YBX1: variants seen among roughly 807,000 people sequenced by gnomAD.
The protein encoded by YBX1 is Y-box-binding protein 1.
YBX1 carries 3 observed loss-of-function variants against 41.4 expected under a neutral mutation model. That is an observed-to-expected ratio of 0.07 (90% CI 0.03 to 0.19). The LOEUF is 0.19. Ranked by LOEUF, YBX1 falls within the 10% of genes least tolerant of loss-of-function variation. The pLI is 1.00. For synonymous variants in YBX1, 133 were observed against 165.8 expected (o/e 0.80, Z 1.52); for missense variants, 274 against 462.8 (o/e 0.59, Z 3.74).
intron 2 of YBX1, among the ~76,000 whole-genome samples, chr1:42,692,694 A>AGG (rs1219405027): frequency 3.3e-5 from 5 of 152,166 alleles, no homozygotes; most frequent in Non-Finnish European, 5.9e-5. Context: ...CGGAGTAAAG[A>AGG]GGGTGAGGCA....
In YBX1 at chr1:42,703,069, G is replaced by A. The variant is rs2148744322; in HGVS notation, c.*1120G>A. On this transcript the variant is annotated 3_prime_UTR_variant, in exon 8 of 8. Transcript: ENST00000321358. The stretch of plus-strand genomic sequence containing the variant: ...GCCACCTTAGTAGCTGGGAGTACAG[G>A]TGCGTGCCACCACACCCAGCTAATT... Among the ~76,000 whole-genome samples, 1 of 152,184 alleles carries A rather than the reference G, an allele frequency of 6.6e-6. No individual in the cohort carries two copies. Among genetic ancestry groups the A allele is most frequent in the South Asian group, 2.1e-4 (1 of 4,818 alleles).
chr1:42,694,848 A>T (rs1241109007), intron 3 of YBX1, among the ~76,000 whole-genome samples: 1 of 152,170 alleles, frequency 6.6e-6, no homozygotes, highest in Non-Finnish European at 1.5e-5. Context: ...TGTTCAAAAG[A>T]ATGTGTAGAC....
At position 42,697,071 on chromosome 1, in the gene YBX1, A is replaced by G. The variant is rs1032642147; in HGVS notation, c.658-109A>G. Reference sequence around the variant, plus strand: ...AAGGATTAATTTATAATGTAGTCACAATTACTAGATGGTCTGTTTTGTTTG... The same window carrying G: ...AAGGATTAATTTATAATGTAGTCACGATTACTAGATGGTCTGTTTTGTTTG... On this transcript the variant is annotated intron_variant, in intron 5 of 7. Transcript: ENST00000321358. 4.1e-5 allele frequency: 60 copies of G among 1,467,158 alleles called. No homozygotes were observed. The East Asian group carries it at 1.4e-3, about 33-fold the overall frequency. The allele number at this position is 1,467,158 out of a possible 1,614,324, so 90.9% of individuals were successfully genotyped here.
At chr1:42,693,408 G>T in intron 2 of YBX1, 82 bp from the exon 3 acceptor site, 2 of 1,548,992 alleles carry the variant, frequency 1.3e-6, no homozygotes, top group East Asian at 2.3e-5. Context: ...TTGGCAGCCA[G>T]AGAGTCTCTG....
At chr1:42,689,311 A>G (rs1466581668) in intron 2 of YBX1, among the ~76,000 whole-genome samples, 1 of 152,204 alleles carries the variant, frequency 6.6e-6, no homozygotes, top group Non-Finnish European at 1.5e-5. Flanking sequence ...AGGCTTGGAA[A>G]TTGGTATCTG....
chr1:42,690,619 A>C (rs1049879020), intron 2 of YBX1, among the ~76,000 whole-genome samples: 1 of 152,212 alleles, frequency 6.6e-6, no homozygotes, highest in African/African-American at 2.4e-5. Context: ...AATAGAAAGA[A>C]AGACTTTATC....
intron 2 of YBX1, among the ~76,000 whole-genome samples, chr1:42,684,763 T>C (rs1650150754): frequency 1.3e-5 from 2 of 152,250 alleles, no homozygotes; most frequent in African/African-American, 4.8e-5. Flanking sequence ...AGGAAGGGAA[T>C]GCTTATATAT....
intron 3 of YBX1, among the ~76,000 whole-genome samples, chr1:42,693,854 A>G (rs1189651840): frequency 6.6e-6 from 1 of 152,238 alleles, no homozygotes; most frequent in Non-Finnish European, 1.5e-5. Context: ...GTTGCTATAA[A>G]TACACAGAAA....
rs1275752296 is a variant in YBX1, at chr1:42,696,388, G to A, written c.354+100G>A. The A allele has an allele frequency of 1.6e-6, 2 of 1,242,006 alleles. No homozygotes were observed. The highest frequency in any genetic ancestry group is 3.0e-5 in the African/African-American group (2 of 66,404). The allele number at this position is 1,242,006 out of a possible 1,614,324, so 76.9% of individuals were successfully genotyped here. A position where few individuals can be genotyped will look rare whatever the true frequency, so the allele number is the denominator to read the frequency against. On this transcript the variant is annotated intron_variant, in intron 4 of 7. Transcript: ENST00000321358. The surrounding 1 kb of genome is among the most constrained non-coding windows in gnomAD (Gnocchi z 5.7). ...GCTCTAATGTGGATGGATGTGTTCA[G>A]GTGACCTCATGAACACAGGTGCATC...
chr1:42,702,775 C>G lies in YBX1; in HGVS notation c.*826C>G, dbSNP rs1418661168. 6.6e-6 allele frequency among the ~76,000 whole-genome samples: 1 copy of G among 152,202 alleles called. No homozygotes were observed. The highest frequency in any genetic ancestry group is 1.5e-5 in the Non-Finnish European group (1 of 68,036). On this transcript the variant is annotated 3_prime_UTR_variant, in exon 8 of 8. Coordinates refer to ENST00000321358, the MANE Select transcript of YBX1 (RefSeq NM_004559.5). Reference sequence around the variant, plus strand: ...GTGTTAGGACAACCTGTCACACTGCCTGGTGTGGTCATCAAATATTGGTTC... The same window carrying G: ...GTGTTAGGACAACCTGTCACACTGCGTGGTGTGGTCATCAAATATTGGTTC...
Position 42,682,742 on chromosome 1 carries a change from G to A in YBX1, c.166+11G>A. On this transcript the variant is annotated intron_variant, in intron 1 of 7. Coordinates refer to ENST00000321358, the MANE Select transcript of YBX1 (RefSeq NM_004559.5). ...ACAAGAAGGTCATCGGTGAGGACCG[G>A]ACAGGGACGGGGGTGGGGCCCTCGG... is the stretch of plus-strand genomic sequence containing the variant. The A allele has an allele frequency of 8.2e-7, 1 of 1,221,238 alleles. No individual in the cohort carries two copies. The highest frequency in any genetic ancestry group is 3.8e-5 in the South Asian group (1 of 26,526). The allele number at this position is 1,221,238 out of a possible 1,614,324, so 75.7% of individuals were successfully genotyped here.
intron 6 of YBX1, among the ~76,000 whole-genome samples, chr1:42,699,842 G>A (rs1035366747): frequency 2.6e-5 from 4 of 152,118 alleles, no homozygotes; most frequent in African/African-American, 7.2e-5. Flanking sequence ...AAATAGGAAG[G>A]TACATAATTG....
intron 2 of YBX1, among the ~76,000 whole-genome samples, chr1:42,687,944 T>C (rs1381135142): frequency 6.6e-6 from 1 of 152,190 alleles, no homozygotes; most frequent in Admixed American, 6.5e-5. Flanking sequence ...AAGGGAGAGA[T>C]GTCGAAGGTT....
At chr1:42,700,536 C>T (rs1449091862) in intron 6 of YBX1, among the ~76,000 whole-genome samples, 1 of 151,336 alleles carries the variant, frequency 6.6e-6, no homozygotes, top group Non-Finnish European at 1.5e-5. Context: ...GAGATTGAGG[C>T]CACAGTGAGC....
Position 42,696,491 on chromosome 1 carries a change from AC to A in YBX1, c.355-147del. ...AACTGATATTTAGTCATTTCTGTGC[AC>A]CCCTGGTCACGCAGTTGCGCCCCCC... On this transcript the variant is annotated intron_variant, in intron 4 of 7. Transcript: ENST00000321358. This position sits in a 1 kb window ranked among gnomAD's most constrained non-coding sequence, Gnocchi z 5.7. 2.2e-6 allele frequency: 2 copies of A among 896,846 alleles called. No individual in the cohort carries two copies. Among genetic ancestry groups the A allele is most frequent in the South Asian group, 4.0e-5 (2 of 50,228 alleles). The allele number at this position is 896,846 out of a possible 1,614,324, so 55.6% of individuals were successfully genotyped here.
chr1:42,695,940 T>C (rs1650447434), intron 3 of YBX1, among the ~76,000 whole-genome samples: 1 of 152,226 alleles, frequency 6.6e-6, no homozygotes, highest in African/African-American at 2.4e-5. Context: ...AAATGATGTG[T>C]CTGTCTTGAG....
Position 42,696,900 on chromosome 1 carries a change from C to G in YBX1, c.613C>G (p.Arg205Gly). 1 of 1,572,652 alleles carries G rather than the reference C, an allele frequency of 6.4e-7. No homozygotes were observed. Among genetic ancestry groups the G allele is most frequent in the African/African-American group, 1.4e-5 (1 of 73,992 alleles). Residue 205 changes from arginine to glycine, a missense_variant, in exon 5 of 8, where the codon CGA becomes GGA. Physicochemically the swap from Arg to Gly is moderately radical, Grantham distance 125 (BLOSUM62 -2). Around this residue, in one of 3 missense-constraint regions of YBX1, gnomAD observed 187 missense variants for 306.3 expected, o/e 0.61. Coordinates refer to ENST00000321358, the MANE Select transcript of YBX1 (RefSeq NM_004559.5). The surrounding 1 kb of genome is among the most constrained non-coding windows in gnomAD (Gnocchi z 5.7). ...PYYMRRPYGR[R>G]PQYSNPPVQG... is the part of the protein sequence containing the mutation. ...CTACATGCGGAGACCCTATGGGCGT[C>G]GACCACAGTATTCCAACCCTCCTGT... is the stretch of plus-strand genomic sequence containing the variant.
Position 42,702,876 on chromosome 1 carries a change from T to G in YBX1, c.*927T>G, listed in dbSNP as rs966871674. Among the ~76,000 whole-genome samples the G allele has an allele frequency of 2.6e-5, 4 of 152,176 alleles. No homozygotes were observed. On this transcript the variant is annotated 3_prime_UTR_variant, in exon 8 of 8. Transcript: ENST00000321358. ...AGCTGCTTAGGAACATGGAGGTTGG[T>G]GAGCTTGTAATTATGTGGTTCTCAA...
Position 42,697,253 on chromosome 1 carries a change from G to A in YBX1, c.731G>A (p.Arg244Gln), listed in dbSNP as rs150137463. 6 of 1,613,712 alleles carry A rather than the reference G, an allele frequency of 3.7e-6. No homozygotes were observed. Among genetic ancestry groups the A allele is most frequent in the East Asian group, 2.2e-5 (1 of 44,884 alleles). ...AATATGTATCGGGGATATAGACCAC[G>A]ATTCCGCAGGTATGGTCCACGTAAA... is the stretch of plus-strand genomic sequence containing the variant. ...RQNMYRGYRP[R>Q]FRRGPPRQRQ... Residue 244 changes from arginine to glutamine, a missense_variant, in exon 6 of 8, where the codon CGA (arginine) becomes CAA (glutamine). Transcript: ENST00000321358.
Sources: gnomAD v4.1 joint callset for allele counts (sites outside exome capture counted in the v4.1 genomes callset) on GRCh38, gnomAD v4.1.1 for gene constraint, gnomAD v4.1.1 regional missense constraint, Gnocchi (gnomAD v3.1) non-coding constraint, MANE v1.5 for transcripts, NCBI Gene and HGNC (gene_info 2026-07-23, HGNC 2026-07-21) for gene names.